The following ZNF583 variants were observed in gnomAD, a reference collection of about 807,000 sequenced individuals.
ZNF583 encodes zinc finger protein 583, also known as zinc finger protein L3-5.
In ZNF583, 30 loss-of-function variants were observed where a neutral mutation model predicts 55.3. The ratio of observed to expected loss-of-function variants is 0.54; its 90% confidence interval spans 0.41 to 0.74. The LOEUF (loss-of-function observed/expected upper bound fraction) is 0.74, where lower values mean the gene tolerates loss of function less well. Among genes scored for constraint, ZNF583 ranks in the 30% least tolerant of loss-of-function variants. The pLI is 0.00. For synonymous variants in ZNF583, 208 were observed against 220.0 expected (o/e 0.95, Z 0.48); for missense variants, 504 against 664.7 (o/e 0.76, Z 2.66).
Position 56,424,303 on chromosome 19 carries a change from A to C in ZNF583, c.1645A>C (p.Thr549Pro), listed in dbSNP as rs1369925442. 5 of 1,611,892 alleles carry C rather than the reference A, an allele frequency of 3.1e-6. No homozygotes were observed. The African/African-American group carries it at 5.3e-5, about 17-fold the overall frequency. The change falls in exon 5 of 5, where the codon ACT becomes CCT. Residue 549 changes from threonine (T) to proline (P), a missense_variant. By Grantham distance (38) the Thr-to-Pro change is conservative (BLOSUM62 -1). Transcript: ENST00000333201. ...ERIHTMESFL[T>P]LSSPSPSTSN... is the part of the protein sequence containing the mutation. ...AATTCATACTATGGAGTCATTCTTG[A>C]CTCTTTCCTCTCCCTCACCCTCCAC...
rs2042361084 is a variant in ZNF583, at chr19:56,418,380, G to C, written c.232+3940G>C. ...GCTTGAGTCCAGAACTTGGAGACTA[G>C]CCTGGACAACATAGCAAGACTCTGT... On this transcript the variant is annotated intron_variant, in intron 4 of 4. Coordinates refer to ENST00000333201, the MANE Select transcript of ZNF583 (RefSeq NM_152478.3). Among the ~76,000 whole-genome samples, 3 of 152,058 alleles carry C rather than the reference G, an allele frequency of 2.0e-5. No homozygotes were observed. The South Asian group carries it at 6.2e-4, about 32-fold the overall frequency.
At chr19:56,417,887 G>T (rs749182519) in intron 4 of ZNF583, among the ~76,000 whole-genome samples, 1 of 152,024 alleles carries the variant, frequency 6.6e-6, no homozygotes, top group Non-Finnish European at 1.5e-5. Context: ...AAGACCCTTT[G>T]TCAGGAAAGA....
rs1285038742 is a variant in ZNF583, at chr19:56,424,120, G to A, written c.1462G>A (p.Gly488Arg). ...GLAQHQRIHT[G>R]EKPYECNVCG... Reference sequence around the variant, plus strand: ...TGCTCAACATCAGAGAATTCATACTGGAGAGAAACCTTATGAATGTAATGT... The same window carrying A: ...TGCTCAACATCAGAGAATTCATACTAGAGAGAAACCTTATGAATGTAATGT... Residue 488 changes from glycine to arginine, a missense_variant, in exon 5 of 5, where the codon GGA (glycine) becomes AGA (arginine). Physicochemically the swap from Gly to Arg is moderately radical, Grantham distance 125. Transcript: ENST00000333201. 7 of 1,614,062 alleles carry A rather than the reference G, an allele frequency of 4.3e-6. No individual in the cohort carries two copies. The highest frequency in any genetic ancestry group is 5.9e-6 in the Non-Finnish European group (7 of 1,180,002).
chr19:56,423,060 T>A lies in ZNF583; in HGVS notation c.402T>A (p.Ser134Arg), dbSNP rs1445172229. 6.2e-7 allele frequency: 1 copy of A among 1,613,844 alleles called. No individual in the cohort carries two copies. The highest frequency in any genetic ancestry group is 1.7e-5 in the Admixed American group (1 of 59,982). ...ACTGGTATAAGAACCAGCTGGGAAG[T>A]CAAGAGGTACATCTTAGTCAATTAA... ...SEDWYKNQLG[S>R]QEVHLSQLII... Residue 134 changes from serine (S) to arginine (R), a missense_variant, in exon 5 of 5, where the codon AGT (serine) becomes AGA (arginine). Ser to Arg is a moderately radical substitution (Grantham distance 110). Transcript: ENST00000333201.
intron 2 of ZNF583, among the ~76,000 whole-genome samples, chr19:56,410,326 G>A (rs12975286): frequency 0.17 from 26,599 of 152,116 alleles, 2,557 homozygotes; most frequent in East Asian, 0.4. Flanking sequence ...GTGAAATCCT[G>A]GTCTCAATGG....
chr19:56,406,797 G>A (rs1397826631), intron 1 of ZNF583, among the ~76,000 whole-genome samples: 1 of 152,060 alleles, frequency 6.6e-6, no homozygotes, highest in Non-Finnish European at 1.5e-5. Context: ...AAAGTGCTGG[G>A]ATTACAGGCG....
chr19:56,421,353 G>A (rs1026737770), intron 4 of ZNF583: 3 of 479,520 alleles, frequency 6.3e-6, no homozygotes, highest in Non-Finnish European at 8.2e-6. Context: ...TTAGATCATT[G>A]CTCCTTGGCA....
At chr19:56,408,684 G>C (rs1227487372) in intron 2 of ZNF583, among the ~76,000 whole-genome samples, 1 of 152,140 alleles carries the variant, frequency 6.6e-6, no homozygotes, top group African/African-American at 2.4e-5. Flanking sequence ...TGTCGATGAT[G>C]ATGAGTGATG....
chr19:56,408,234 C>T (rs1568802285), intron 2 of ZNF583, among the ~76,000 whole-genome samples: 1 of 152,112 alleles, frequency 6.6e-6, no homozygotes, highest in Non-Finnish European at 1.5e-5. Context: ...TACACACACA[C>T]ACCTCTAGGT....
rs115984535 is a variant in ZNF583 at position 56,408,952 on chromosome 19, T to C, written c.9+1829T>C. 4.3e-3 allele frequency among the ~76,000 whole-genome samples: 651 copies of C among 152,284 alleles called. 5 individuals are homozygous for C. Among genetic ancestry groups the C allele is most frequent in the African/African-American group, 0.015 (625 of 41,572 alleles). ...CTGTCCCTCAGACTTACTGTGCTTT[T>C]TCTTGTCTCTGGACTTTTGCATTTG... On this transcript the variant is annotated intron_variant, in intron 2 of 4. Coordinates refer to ENST00000333201, the MANE Select transcript of ZNF583 (RefSeq NM_152478.3).
intron 2 of ZNF583, among the ~76,000 whole-genome samples, chr19:56,408,795 T>A (rs1352933252): frequency 6.6e-6 from 1 of 152,200 alleles, no homozygotes; most frequent in Non-Finnish European, 1.5e-5. Context: ...TGCCTTCCTA[T>A]CTTACTTGGA....
rs1216406595 is a variant in ZNF583, at chr19:56,422,960, T to A, written c.302T>A (p.Val101Asp). 3 of 1,613,664 alleles carry A rather than the reference T, an allele frequency of 1.9e-6. No homozygotes were observed. The South Asian group carries it at 3.3e-5, about 18-fold the overall frequency. Residue 101 changes from valine (V) to aspartate (D), a missense_variant, in exon 5 of 5, where the codon GTT (valine) becomes GAT (aspartate). By Grantham distance (152) the Val-to-Asp change is radical (BLOSUM62 -3). This residue lies in a region of ZNF583 where 204 missense variants were observed against 235.2 expected (regional missense o/e 0.87). Transcript: ENST00000333201. Reference protein sequence around the residue: ...KQETYEESSKVVTVGARHLSY... With the variant: ...KQETYEESSKDVTVGARHLSY... Reference sequence around the variant, plus strand: ...GAGACATATGAAGAATCATCCAAAGTTGTGACAGTGGGAGCAAGACATCTT... The same window carrying A: ...GAGACATATGAAGAATCATCCAAAGATGTGACAGTGGGAGCAAGACATCTT...
intron 1 of ZNF583, among the ~76,000 whole-genome samples, chr19:56,405,282 T>G (rs1316216318): frequency 6.6e-6 from 1 of 152,162 alleles, no homozygotes; most frequent in East Asian, 1.9e-4. Flanking sequence ...GACTTAGCAC[T>G]GTATGTCATC....
intron 4 of ZNF583, among the ~76,000 whole-genome samples, chr19:56,421,918 C>T (rs1431723798): frequency 7.2e-5 from 11 of 152,190 alleles, no homozygotes; most frequent in Non-Finnish European, 1.5e-4. Context: ...GGATGTTCGG[C>T]AAAGGCCATA....
chr19:56,423,702 A>G lies in ZNF583; in HGVS notation c.1044A>G (p.Gly348=), dbSNP rs760226574. ...CTCAGCATCAGAGAATTCATACAGG[A>G]GAGAAACCTTATGTGTGTAATGTGT... ...FLAQHQRIHT[G]EKPYVCNVCG... Residue 348 remains glycine (G), a synonymous_variant, in exon 5 of 5, where the codon GGA becomes GGG. Coordinates refer to ENST00000333201, the MANE Select transcript of ZNF583 (RefSeq NM_152478.3). The G allele has an allele frequency of 6.8e-6, 11 of 1,614,004 alleles. No individual in the cohort carries two copies. The highest frequency in any genetic ancestry group is 8.5e-6 in the Non-Finnish European group (10 of 1,179,992).
At position 56,424,734 on chromosome 19, in the gene ZNF583, C is replaced by T. The variant is rs2042477709; in HGVS notation, c.*366C>T. The T allele has an allele frequency of 5.9e-6, 1 of 170,198 alleles. No individual in the cohort carries two copies. Among genetic ancestry groups the T allele is most frequent in the Non-Finnish European group, 1.3e-5 (1 of 79,092 alleles). 10.5% of individuals were successfully genotyped at this position (170,198 alleles called of 1,614,324 possible). ...CTTATCCAGGATTAAGATACATATT[C>T]CAGGATCAAAAAGACCTGGGTTCCA... On this transcript the variant is annotated 3_prime_UTR_variant, in exon 5 of 5. Transcript: ENST00000333201.
chr19:56,405,355 C>T (rs1039093100), intron 1 of ZNF583, among the ~76,000 whole-genome samples: 2 of 152,042 alleles, frequency 1.3e-5, no homozygotes, highest in South Asian at 2.1e-4. Flanking sequence ...GAGAGCAGGG[C>T]GGGCTACAAT....
At chr19:56,421,510 AGC>A (rs1427256181) in intron 4 of ZNF583, 3 of 985,166 alleles carry the variant, frequency 3.0e-6, no homozygotes, top group Non-Finnish European at 3.6e-6. Context: ...CAGCGGAATT[AGC>A]AGCCTCAATT....
Position 56,423,160 on chromosome 19 carries a change from G to A in ZNF583, c.502G>A (p.Asp168Asn), listed in dbSNP as rs773606385. The A allele has an allele frequency of 1.9e-6, 3 of 1,612,808 alleles. No individual in the cohort carries two copies. Among genetic ancestry groups the A allele is most frequent in the South Asian group, 2.2e-5 (2 of 90,892 alleles). ...CAAATCTTGGCAAACATTCCACCAGGATACAATCTTTGATATACAACAGAG... is the reference window on the plus strand; with the variant it reads ...CAAATCTTGGCAAACATTCCACCAGAATACAATCTTTGATATACAACAGAG... ...YNKSWQTFHQ[D>N]TIFDIQQSFP... Residue 168 changes from aspartate to asparagine, a missense_variant, in exon 5 of 5, where the codon GAT becomes AAT. Coordinates refer to ENST00000333201, the MANE Select transcript of ZNF583 (RefSeq NM_152478.3).
Sources: allele counts gnomAD v4.1 joint callset (sites outside exome capture counted in the v4.1 genomes callset), GRCh38; gene constraint gnomAD v4.1.1; regional missense constraint gnomAD v4.1.1; transcripts MANE v1.5; gene names NCBI Gene and HGNC (gene_info 2026-07-23, HGNC 2026-07-21).